The following GPR39 variants were observed in gnomAD, a reference collection of about 807,000 sequenced individuals.
GPR39 encodes the protein zinc sensing receptor.
Under a neutral mutation model 18.4 loss-of-function variants are expected in GPR39, and 23 were observed. The ratio of observed to expected loss-of-function variants is 1.25; its 90% CI spans 0.90 to 1.77. GPR39 has a LOEUF of 1.77. GPR39 is among the 40% of genes most tolerant of loss of function. The pLI, the probability that GPR39 is intolerant of heterozygous loss-of-function variation, is 0.00. For missense variants in GPR39, 647 were observed against 602.4 expected, an observed-to-expected ratio of 1.07 and a Z score of -0.78; for synonymous variants, 280 against 257.9, an observed-to-expected ratio of 1.09 and a Z score of -0.82.
Position 132,432,771 on chromosome 2 carries a change from A to G in GPR39, c.856+14873A>G, listed in dbSNP as rs1680245983. 1.3e-5 allele frequency among the ~76,000 whole-genome samples: 2 copies of G among 152,124 alleles called. 1 individual carries two copies. Among genetic ancestry groups the G allele is most frequent in the South Asian group, 4.2e-4 (2 of 4,806 alleles). On this transcript the variant is annotated intron_variant, in intron 1 of 1. Coordinates refer to ENST00000329321, the MANE Select transcript of GPR39 (RefSeq NM_001508.3). ...CTGCTGTGCATAGGTATATGTCCCAATCTCCTTTCCATCACCTACTAGTGT... is the reference window on the plus strand; with the variant it reads ...CTGCTGTGCATAGGTATATGTCCCAGTCTCCTTTCCATCACCTACTAGTGT...
At chr2:132,453,431 GC>G (rs1233472579) in intron 1 of GPR39, among the ~76,000 whole-genome samples, 2 of 152,060 alleles carry the variant, frequency 1.3e-5, no homozygotes, top group African/African-American at 4.8e-5. Context: ...TCTGTAGGTT[GC>G]CTGTTCACTC....
At chr2:132,531,605 C>G (rs1413865150) in intron 1 of GPR39, among the ~76,000 whole-genome samples, 1 of 152,208 alleles carries the variant, frequency 6.6e-6, no homozygotes, top group Non-Finnish European at 1.5e-5. Flanking sequence ...GGAAGTAAAG[C>G]TCTCCTCAGC....
chr2:132,585,413 C>A (rs1215810248), intron 1 of GPR39, among the ~76,000 whole-genome samples: 1 of 152,216 alleles, frequency 6.6e-6, no homozygotes, highest in African/African-American at 2.4e-5. Context: ...TTGAGCCCTT[C>A]CACATGCATC....
chr2:132,595,510 AC>A (rs1573688287), intron 1 of GPR39, among the ~76,000 whole-genome samples: 1 of 151,988 alleles, frequency 6.6e-6, no homozygotes, highest in East Asian at 1.9e-4. Flanking sequence ...TGTGTAGAAG[AC>A]CTGGGGGAAC....
chr2:132,565,544 TC>T (rs1473417123), intron 1 of GPR39, among the ~76,000 whole-genome samples: 1 of 77,194 alleles, frequency 1.3e-5, no homozygotes, highest in South Asian at 5.3e-4. Flanking sequence ...ATGCCATCCC[TC>T]CCCCCTCCCC....
At chr2:132,522,500 C>T (rs1049568056) in intron 1 of GPR39, among the ~76,000 whole-genome samples, 2 of 152,162 alleles carry the variant, frequency 1.3e-5, no homozygotes, top group South Asian at 2.1e-4. Flanking sequence ...GCTTTAAAGA[C>T]GTTAACACAT....
chr2:132,510,718 T>G (rs545528193), intron 1 of GPR39, among the ~76,000 whole-genome samples: 1 of 152,314 alleles, frequency 6.6e-6, no homozygotes, highest in South Asian at 2.1e-4. Flanking sequence ...TTTGTTTACT[T>G]TACTGCCATA....
chr2:132,518,647 T>G (rs1056486782), intron 1 of GPR39, among the ~76,000 whole-genome samples: 2 of 152,210 alleles, frequency 1.3e-5, no homozygotes, highest in Non-Finnish European at 2.9e-5. Flanking sequence ...TCTAAACTGC[T>G]GATATAAATA....
intron 1 of GPR39, among the ~76,000 whole-genome samples, chr2:132,457,010 A>G (rs533147855): frequency 3.9e-4 from 60 of 152,284 alleles, no homozygotes; most frequent in Non-Finnish European, 7.8e-4. Context: ...TATTTCCTGA[A>G]TTGGAATGCT....
rs56929155 is a variant in GPR39, at chr2:132,536,009, C to CAAAAA, written c.857-109084_857-109080dup. ...AGTCCCTCTATTTTGTTAATTTTTTCAAAAAAAAAAAACAGCTCCTGGATT... is the reference window on the plus strand; with the variant it reads ...AGTCCCTCTATTTTGTTAATTTTTTCAAAAAAAAAAAAAAAAACAGCTCCTGGATT... On this transcript the variant is annotated intron_variant, in intron 1 of 1. Transcript: ENST00000329321. 6.9e-3 allele frequency among the ~76,000 whole-genome samples: 968 copies of CAAAAA among 140,070 alleles called. 9 individuals carry two copies. Among genetic ancestry groups the CAAAAA allele is most frequent in the African/African-American group, 0.014 (531 of 38,248 alleles). The allele number at this position is 140,070 out of a possible 152,430, so 91.9% of individuals were successfully genotyped here. A position where few individuals can be genotyped will look rare whatever the true frequency, so the allele number is the denominator to read the frequency against.
chr2:132,510,446 T>A (rs959495085), intron 1 of GPR39, among the ~76,000 whole-genome samples: 21 of 151,998 alleles, frequency 1.4e-4, no homozygotes, highest in Admixed American at 1.4e-3. Flanking sequence ...GTTTTATACT[T>A]TGGGGCTCTT....
chr2:132,530,712 GA>G (rs1679602804), intron 1 of GPR39, among the ~76,000 whole-genome samples: 1 of 152,192 alleles, frequency 6.6e-6, no homozygotes, highest in Non-Finnish European at 1.5e-5. Flanking sequence ...CATTCTTAAA[GA>G]AAAGAATTTC....
intron 1 of GPR39, among the ~76,000 whole-genome samples, chr2:132,447,295 A>G (rs1680553765): frequency 6.6e-6 from 1 of 152,244 alleles, no homozygotes. Flanking sequence ...ATAAGTTTGT[A>G]CAATCCCAAG....
intron 1 of GPR39, among the ~76,000 whole-genome samples, chr2:132,529,591 G>C (rs986485861): frequency 6.6e-6 from 1 of 152,204 alleles, no homozygotes; most frequent in Non-Finnish European, 1.5e-5. Flanking sequence ...AGCCTAAGTG[G>C]GAGGCATCCC....
rs576973292 is a variant in GPR39, at chr2:132,534,974, A to G, written c.857-110127A>G. Among the ~76,000 whole-genome samples, 3 of 146,262 alleles carry G rather than the reference A, an allele frequency of 2.1e-5. No homozygotes were observed. The East Asian group carries it at 6.5e-4, about 32-fold the overall frequency. ...CTGGACGTTGTGCACATGTACCCTA[A>G]AACCTAAAGTATAATAATAATTAAA... On this transcript the variant is annotated intron_variant, in intron 1 of 1. Coordinates refer to ENST00000329321, the MANE Select transcript of GPR39 (RefSeq NM_001508.3).
chr2:132,524,877 C>G lies in GPR39; in HGVS notation c.856+106979C>G, dbSNP rs72983623. ...TTTTCTAGTGAAGTTATTACAAGTA[C>G]AGTCTTCTTTCCCCTCCTTGAATTC... On this transcript the variant is annotated intron_variant, in intron 1 of 1. Coordinates refer to ENST00000329321, the MANE Select transcript of GPR39 (RefSeq NM_001508.3). Among the ~76,000 whole-genome samples the G allele has an allele frequency of 9.8e-4, 149 of 152,252 alleles. 1 individual carries two copies. Among genetic ancestry groups the G allele is most frequent in the African/African-American group, 3.5e-3 (145 of 41,530 alleles).
chr2:132,426,280 T>C (rs1051242489), intron 1 of GPR39, among the ~76,000 whole-genome samples: 3 of 152,270 alleles, frequency 2.0e-5, no homozygotes, highest in Admixed American at 6.5e-5. Context: ...ACTGGACTTT[T>C]AAACTCTCGT....
At chr2:132,496,935 G>T (rs767423557) in intron 1 of GPR39, among the ~76,000 whole-genome samples, 1 of 152,230 alleles carries the variant, frequency 6.6e-6, no homozygotes, top group Non-Finnish European at 1.5e-5. Context: ...AGGGAAAGAT[G>T]CTGATTTCCA....
At position 132,417,031 on chromosome 2, in the gene GPR39, G is replaced by T; in HGVS notation, c.-12G>T. The T allele has an allele frequency of 6.2e-7, 1 of 1,610,878 alleles. No individual in the cohort carries two copies. On this transcript the variant is annotated 5_prime_UTR_variant, in exon 1 of 2. Coordinates refer to ENST00000329321, the MANE Select transcript of GPR39 (RefSeq NM_001508.3). ...GAAAGTCTTTGGACCTGGTAGCCTG[G>T]TGCTCTTTCTCATGGCTTCACCCAG... is the stretch of plus-strand genomic sequence containing the variant.
Sources: allele counts gnomAD v4.1 joint callset (sites outside exome capture counted in the v4.1 genomes callset), GRCh38; gene constraint gnomAD v4.1.1; transcripts MANE v1.5; gene names NCBI Gene and HGNC (gene_info 2026-07-23, HGNC 2026-07-21).